The following SETD5 variants were observed in gnomAD, a reference collection of about 807,000 sequenced individuals.
The protein encoded by SETD5 is SET domain containing 5, also known as histone-lysine N-methyltransferase SETD5.
A neutral mutation model predicts 153.3 loss-of-function variants in SETD5; 44 were observed. That is an observed-to-expected ratio of 0.29 (90% CI 0.23 to 0.37). The LOEUF is 0.37. Among genes scored for constraint, SETD5 ranks in the 10% least tolerant of loss-of-function variants. The pLI, the probability that SETD5 is intolerant of heterozygous loss-of-function variation, is 1.00. For synonymous variants in SETD5, 716 were observed against 645.2 expected, an observed-to-expected ratio of 1.11 and a Z score of -1.66; for missense variants, 1,544 against 1,768.0, an observed-to-expected ratio of 0.87 and a Z score of 2.27.
chr3:9,451,484 T>C (rs556025494), intron 16 of SETD5, among the ~76,000 whole-genome samples: 13 of 152,328 alleles, frequency 8.5e-5, no homozygotes, highest in African/African-American at 2.9e-4. Flanking sequence ...GGTCTCACTG[T>C]TGTCCAGGCT....
chr3:9,456,714 C>T (rs2043291382), intron 17 of SETD5, among the ~76,000 whole-genome samples: 1 of 152,164 alleles, frequency 6.6e-6, no homozygotes. Flanking sequence ...ATGGCTCACG[C>T]CTGTAATCCC....
At chr3:9,417,707 G>A (rs998535970) in intron 1 of SETD5, among the ~76,000 whole-genome samples, 12 of 151,492 alleles carry the variant, frequency 7.9e-5, no homozygotes, top group Non-Finnish European at 1.5e-4. Flanking sequence ...GGATGGTCTC[G>A]ATCTCCTGAC....
At chr3:9,451,511 A>G (rs1469568267) in intron 16 of SETD5, among the ~76,000 whole-genome samples, 1 of 152,206 alleles carries the variant, frequency 6.6e-6, no homozygotes, top group Non-Finnish European at 1.5e-5. Context: ...CAGTGGCATC[A>G]TCACAGGCTC....
intron 1 of SETD5, among the ~76,000 whole-genome samples, chr3:9,408,210 G>C (rs1314462663): frequency 6.6e-6 from 1 of 152,124 alleles, no homozygotes; most frequent in Non-Finnish European, 1.5e-5. Flanking sequence ...AGTTTTTCTT[G>C]ATAGAGCTCT....
chr3:9,453,603 G>A, intron 16 of SETD5, 136 bp from the exon 17 acceptor site: 1 of 749,870 alleles, frequency 1.3e-6, no homozygotes, highest in Admixed American at 3.7e-5. Context: ...TGAGACACAA[G>A]ACAATAAAAT....
intron 16 of SETD5, among the ~76,000 whole-genome samples, chr3:9,449,308 C>A (rs1025665329): frequency 2.0e-5 from 3 of 152,118 alleles, no homozygotes; most frequent in Non-Finnish European, 4.4e-5. Context: ...AATGCTCTTT[C>A]TTAATTCCCA....
At chr3:9,402,083 A>C (rs1288382950) in intron 1 of SETD5, among the ~76,000 whole-genome samples, 1 of 152,236 alleles carries the variant, frequency 6.6e-6, no homozygotes, top group Admixed American at 6.5e-5. Context: ...TGGGAAGTTC[A>C]TGAAAGGTGG....
chr3:9,476,063 G>A lies in SETD5; in HGVS notation c.4301G>A (p.Gly1434Glu), dbSNP rs1213427855. The change falls in exon 23 of 23, where the codon GGA (glycine) becomes GAA (glutamate). Residue 1434 changes from glycine (G) to glutamate (E), a missense_variant. Gly to Glu is a moderately conservative substitution (Grantham distance 98, BLOSUM62 -2). Coordinates refer to ENST00000402198, the MANE Select transcript of SETD5 (RefSeq NM_001080517.3). ...QYRLQPLQGS[G>E]VKTQTGLS Reference sequence around the variant, plus strand: ...CGACTCCAGCCACTGCAAGGGTCAGGAGTCAAGACTCAGACGGGACTTTCC... The same window carrying A: ...CGACTCCAGCCACTGCAAGGGTCAGAAGTCAAGACTCAGACGGGACTTTCC... 6.2e-7 allele frequency: 1 copy of A among 1,613,850 alleles called. No individual in the cohort carries two copies. Among genetic ancestry groups the A allele is most frequent in the Non-Finnish European group, 8.5e-7 (1 of 1,179,782 alleles).
chr3:9,416,745 C>G (rs2037531534), intron 1 of SETD5, among the ~76,000 whole-genome samples: 1 of 152,028 alleles, frequency 6.6e-6, no homozygotes, highest in Non-Finnish European at 1.5e-5. Flanking sequence ...TAAGGATAAA[C>G]AAGGGATAGC....
At chr3:9,436,414 C>T (rs983790550) in intron 7 of SETD5, among the ~76,000 whole-genome samples, 1 of 152,190 alleles carries the variant, frequency 6.6e-6, no homozygotes, top group African/African-American at 2.4e-5. Context: ...GGAGAAACTT[C>T]TTCTGGTTTG....
rs771111400 is a variant in SETD5 at position 9,473,385 on chromosome 3, G to T, written c.3345G>T (p.Val1115=). 6.2e-7 allele frequency: 1 copy of T among 1,613,960 alleles called. No homozygotes were observed. The highest frequency in any genetic ancestry group is 1.1e-5 in the South Asian group (1 of 91,084). The part of the protein sequence containing the change: ...NSVSDTGAHG[V]QGSSARTPSS... ...TTTCCGACACTGGTGCCCATGGTGT[G>T]CAGGGATCCTCAGCCCGAACTCCAT... Residue 1115 remains valine, a synonymous_variant, in exon 20 of 23, where the codon GTG becomes GTT. Transcript: ENST00000402198.
rs1246999104 is a variant in SETD5, at chr3:9,428,873, C to G, written c.-66C>G. The G allele has an allele frequency of 8.1e-7, 1 of 1,239,774 alleles. No individual in the cohort carries two copies. Among genetic ancestry groups the G allele is most frequent in the Non-Finnish European group, 1.2e-6 (1 of 859,362 alleles). The allele number at this position is 1,239,774 out of a possible 1,614,324, so 76.8% of individuals were successfully genotyped here. ...GATGAGGCTCTGCAGCTCACCCCCACTCTCAGAGTGGTCAGTCTCCATTAA... is the reference window on the plus strand; with the variant it reads ...GATGAGGCTCTGCAGCTCACCCCCAGTCTCAGAGTGGTCAGTCTCCATTAA... On this transcript the variant is annotated 5_prime_UTR_variant, in exon 3 of 23. Coordinates refer to ENST00000402198, the MANE Select transcript of SETD5 (RefSeq NM_001080517.3).
rs561179818 is a variant in SETD5, at chr3:9,403,788, C to T, written c.-177+5811C>T. Among the ~76,000 whole-genome samples, 8 of 152,202 alleles carry T rather than the reference C, an allele frequency of 5.3e-5. No homozygotes were observed. In the South Asian group the frequency reaches 1.7e-3, roughly 32 times the overall value. On this transcript the variant is annotated intron_variant, in intron 1 of 22. Coordinates refer to ENST00000402198, the MANE Select transcript of SETD5 (RefSeq NM_001080517.3). Reference sequence around the variant, plus strand: ...GGAAAAGATCTGTTGGTTATCTGGTCCTTTAAACCAAAATCATAATGAAAT... The same window carrying T: ...GGAAAAGATCTGTTGGTTATCTGGTTCTTTAAACCAAAATCATAATGAAAT...
chr3:9,431,465 A>C, intron 3 of SETD5: 1 of 946,812 alleles, frequency 1.1e-6, no homozygotes, highest in South Asian at 4.9e-5. Context: ...TTTAAAATAT[A>C]AAAACTAGTA....
chr3:9,476,079 G>C lies in SETD5; in HGVS notation c.4317G>C (p.Thr1439=). 1 of 1,613,128 alleles carries C rather than the reference G, an allele frequency of 6.2e-7. No homozygotes were observed. Among genetic ancestry groups the C allele is most frequent in the East Asian group, 2.2e-5 (1 of 44,842 alleles). Reference sequence around the variant, plus strand: ...AAGGGTCAGGAGTCAAGACTCAGACGGGACTTTCCTAGGGCTTCTGGATTT... The same window carrying C: ...AAGGGTCAGGAGTCAAGACTCAGACCGGACTTTCCTAGGGCTTCTGGATTT... ...PLQGSGVKTQ[T]GLS is the part of the protein sequence containing the mutation. The change falls in exon 23 of 23, where the codon ACG becomes ACC. Residue 1439 remains threonine (T), a synonymous_variant. Transcript: ENST00000402198.
chr3:9,442,070 C>T (rs774807773), intron 9 of SETD5, 58 bp from the exon 10 acceptor site: 59 of 1,150,904 alleles, frequency 5.1e-5, no homozygotes, highest in Non-Finnish European at 7.0e-5. Context: ...TATTTGGAGT[C>T]ATGGGGTGGC....
rs1229763671 is a variant in SETD5 at position 9,445,752 on chromosome 3, C to CT, written c.1524+13dup. 6.3e-7 allele frequency: 1 copy of CT among 1,588,138 alleles called. No individual in the cohort carries two copies. The highest frequency in any genetic ancestry group is 1.8e-5 in the Admixed American group (1 of 56,452). The stretch of plus-strand genomic sequence containing the variant: ...CTCATAGCAGGAGGGTGAGTACTGT[C>CT]TGACATTACTTTGCTCCTTCTCATT... On this transcript the variant is annotated intron_variant, in intron 13 of 22. Coordinates refer to ENST00000402198, the MANE Select transcript of SETD5 (RefSeq NM_001080517.3).
chr3:9,473,582 G>T (rs1433912936), intron 20 of SETD5, 45 bp downstream of exon 20: 6 of 1,533,692 alleles, frequency 3.9e-6, no homozygotes, highest in Non-Finnish European at 5.3e-6. Flanking sequence ...GGGGTGGGGG[G>T]GAGTATATAT....
chr3:9,425,089 A>G (rs1245055900), intron 2 of SETD5, among the ~76,000 whole-genome samples: 1 of 114,130 alleles, frequency 8.8e-6, no homozygotes, highest in Non-Finnish European at 1.7e-5. Flanking sequence ...GAGACAGAGT[A>G]TCATTCTTGT....
Sources: allele counts gnomAD v4.1 joint callset (sites outside exome capture counted in the v4.1 genomes callset), GRCh38; gene constraint gnomAD v4.1.1; transcripts MANE v1.5; gene names NCBI Gene and HGNC (gene_info 2026-07-23, HGNC 2026-07-21).